Variants in ZNF609 observed in about 807,000 individuals in gnomAD.
ZNF609 encodes the protein zinc finger protein 609.
A neutral mutation model predicts 109.5 loss-of-function variants in ZNF609; 11 were observed. The observed-to-expected ratio is 0.10, with a 90% CI of 0.06 to 0.17. ZNF609 has a LOEUF of 0.17. Among genes scored for constraint, ZNF609 ranks in the 10% least tolerant of loss-of-function variants. The probability of loss-of-function intolerance (pLI) is 1.00; values close to 1 mark genes in which losing one functional copy is unlikely to be tolerated. For synonymous variants in ZNF609, 646 were observed against 662.0 expected (o/e 0.98, Z 0.37); for missense variants, 1,559 against 1,772.4 (o/e 0.88, Z 2.16).
rs761735069 is a variant in ZNF609 at position 64,624,421 on chromosome 15, CTG to C, written c.973+1372_973+1373del. Among the ~76,000 whole-genome samples, 41 of 152,210 alleles carry C rather than the reference CTG, an allele frequency of 2.7e-4. No homozygotes were observed. In the East Asian group the frequency reaches 4.6e-3, roughly 17 times the overall value. ...TGACAGACATATCCGGACCATATCT[CTG>C]TGCCACCAAGCAACCTTCAAGGCCT... On this transcript the variant is annotated intron_variant, in intron 3 of 9. Transcript: ENST00000326648.
intron 3 of ZNF609, among the ~76,000 whole-genome samples, chr15:64,659,125 A>G (rs1896536853): frequency 6.6e-6 from 1 of 152,054 alleles, no homozygotes; most frequent in Non-Finnish European, 1.5e-5. Context: ...CATTTCTGGG[A>G]ATTCTTGGCA....
Position 64,539,809 on chromosome 15 carries a change from G to A in ZNF609, c.747+39643G>A, listed in dbSNP as rs1015168372. Among the ~76,000 whole-genome samples the A allele has an allele frequency of 1.0e-4, 15 of 145,114 alleles. 1 individual carries two copies. The East Asian group carries it at 2.7e-3, about 26-fold the overall frequency. On this transcript the variant is annotated intron_variant, in intron 2 of 9. Coordinates refer to ENST00000326648, the MANE Select transcript of ZNF609 (RefSeq NM_015042.2). The stretch of plus-strand genomic sequence containing the variant: ...CGCCCAGCCTACCTGCCTAATTTTT[G>A]TATTTTTAGTAGTGACAGGGTTTCG...
chr15:64,620,442 T>G (rs1414547877), intron 2 of ZNF609, among the ~76,000 whole-genome samples: 1 of 152,196 alleles, frequency 6.6e-6, no homozygotes, highest in Non-Finnish European at 1.5e-5. Context: ...TGTGTTGTTT[T>G]TTACCTTCAC....
chr15:64,663,474 T>C (rs747213473), intron 3 of ZNF609, among the ~76,000 whole-genome samples: 6 of 152,126 alleles, frequency 3.9e-5, no homozygotes, highest in African/African-American at 7.2e-5. Flanking sequence ...TTGGAACATA[T>C]TAAGTTTGAG....
chr15:64,602,308 TTGTC>T (rs1393441330), intron 2 of ZNF609, among the ~76,000 whole-genome samples: 1 of 152,194 alleles, frequency 6.6e-6, no homozygotes, highest in African/African-American at 2.4e-5. Context: ...TGGCACCAAA[TTGTC>T]TGAGCCTGAA....
intron 1 of ZNF609, among the ~76,000 whole-genome samples, chr15:64,480,598 A>T (rs567201943): frequency 3.3e-5 from 5 of 152,244 alleles, no homozygotes; most frequent in Middle Eastern, 3.4e-3. Flanking sequence ...ATGGAAGGAG[A>T]CTAACTGTTC....
At chr15:64,661,940 A>G (rs535499121) in intron 3 of ZNF609, among the ~76,000 whole-genome samples, 1 of 152,238 alleles carries the variant, frequency 6.6e-6, no homozygotes, top group East Asian at 1.9e-4. Context: ...ATAGTTGTCT[A>G]AAACAATAAA....
chr15:64,475,092 T>C (rs1374012401), intron 1 of ZNF609, among the ~76,000 whole-genome samples: 2 of 125,090 alleles, frequency 1.6e-5, no homozygotes, highest in Non-Finnish European at 3.2e-5. Flanking sequence ...CATACCCAGT[T>C]TATCCTTTTT....
chr15:64,612,190 C>A (rs904209804), intron 2 of ZNF609, among the ~76,000 whole-genome samples: 2 of 151,766 alleles, frequency 1.3e-5, no homozygotes, highest in East Asian at 3.9e-4. Context: ...CTCTGTCCCC[C>A]AGGCTGGAGT....
intron 2 of ZNF609, 38 bp downstream of exon 2, chr15:64,500,204 A>T (rs1254107751): frequency 1.2e-6 from 2 of 1,603,890 alleles, no homozygotes; most frequent in African/African-American, 1.3e-5. Context: ...ACTGACTGCC[A>T]GTCAGAACTG....
At chr15:64,616,189 T>A (rs1895794985) in intron 2 of ZNF609, among the ~76,000 whole-genome samples, 1 of 152,056 alleles carries the variant, frequency 6.6e-6, no homozygotes, top group Admixed American at 6.6e-5. Context: ...ATATAGACTT[T>A]TGCCATGTTG....
chr15:64,571,506 TTTTA>T (rs1347376424), intron 2 of ZNF609, among the ~76,000 whole-genome samples: 1 of 152,032 alleles, frequency 6.6e-6, no homozygotes, highest in Non-Finnish European at 1.5e-5. Context: ...ATTTTTTAAT[TTTTA>T]TTGTTATCCT....
At chr15:64,561,874 A>T (rs1225730141) in intron 2 of ZNF609, among the ~76,000 whole-genome samples, 2 of 152,198 alleles carry the variant, frequency 1.3e-5, no homozygotes, top group African/African-American at 4.8e-5. Context: ...TATGGAAGTC[A>T]TTCAATTATT....
intron 9 of ZNF609, 53 bp from the exon 10 acceptor site, chr15:64,681,639 T>A: frequency 2.6e-6 from 1 of 379,822 alleles, no homozygotes; most frequent in Non-Finnish European, 4.8e-6. Context: ...CACCTTGTGG[T>A]TTTTTTACCA....
chr15:64,488,295 G>A (rs1323424542), intron 1 of ZNF609, among the ~76,000 whole-genome samples: 1 of 152,182 alleles, frequency 6.6e-6, no homozygotes, highest in South Asian at 2.1e-4. Context: ...GAATGGAGAG[G>A]AGAAATGCCA....
At chr15:64,524,334 G>C (rs1595707233) in intron 2 of ZNF609, among the ~76,000 whole-genome samples, 1 of 152,374 alleles carries the variant, frequency 6.6e-6, no homozygotes, top group East Asian at 1.9e-4. Flanking sequence ...GGGAGGCCAA[G>C]GCAGGCAGAT....
chr15:64,469,057 C>CA (rs1440356386), intron 1 of ZNF609, among the ~76,000 whole-genome samples: 4 of 119,836 alleles, frequency 3.3e-5, no homozygotes, highest in African/African-American at 1.3e-4. Flanking sequence ...AAAAAAAAAA[C>CA]AACACAATTC....
chr15:64,627,952 G>C (rs911977586), intron 3 of ZNF609, among the ~76,000 whole-genome samples: 1 of 149,216 alleles, frequency 6.7e-6, no homozygotes, highest in Non-Finnish European at 1.5e-5. Context: ...GAACCACCAT[G>C]CCCAGCCTAT....
At chr15:64,661,882 G>A (rs1896582729) in intron 3 of ZNF609, among the ~76,000 whole-genome samples, 1 of 152,162 alleles carries the variant, frequency 6.6e-6, no homozygotes, top group Non-Finnish European at 1.5e-5. Flanking sequence ...TCTACCTAGG[G>A]TAGACATTAT....
Sources: allele counts gnomAD v4.1 joint callset (sites outside exome capture counted in the v4.1 genomes callset), GRCh38; gene constraint gnomAD v4.1.1; transcripts MANE v1.5; gene names NCBI Gene and HGNC (gene_info 2026-07-23, HGNC 2026-07-21).